The following CBFA2T3 variants were observed in gnomAD, a reference collection of about 807,000 sequenced individuals.
The protein encoded by CBFA2T3 is transcriptional corepressor CBFA2T3.
Under a neutral mutation model 58.6 loss-of-function variants are expected in CBFA2T3, and 31 were observed. That is an observed-to-expected ratio of 0.53 (90% CI 0.40 to 0.71). CBFA2T3 has a LOEUF of 0.71. Among genes scored for constraint, CBFA2T3 ranks in the 30% least tolerant of loss-of-function variants. The pLI is 0.00. For synonymous variants in CBFA2T3, 531 were observed against 421.9 expected, an observed-to-expected ratio of 1.26 and a Z score of -3.17; for missense variants, 1,076 against 963.1, an observed-to-expected ratio of 1.12 and a Z score of -1.55.
In CBFA2T3 at chr16:88,881,296, T is replaced by C. The variant is rs749772901; in HGVS notation, c.1397A>G (p.Gln466Arg). 9 of 1,592,652 alleles carry C rather than the reference T, an allele frequency of 5.7e-6. No homozygotes were observed. The highest frequency in any genetic ancestry group is 3.3e-4 in the Middle Eastern group (2 of 6,026). ...RSSSAGPEGP[Q>R]LDVPREFLPR... is the part of the protein sequence containing the mutation. Reference sequence around the variant, plus strand: ...CCCCCACACCCCACACGCACCTAGCTGAGGCCCTTCGGGACCGGCGGAGCT... The same window carrying C: ...CCCCCACACCCCACACGCACCTAGCCGAGGCCCTTCGGGACCGGCGGAGCT... Residue 466 changes from glutamine (Q) to arginine (R), a missense_variant, in exon 9 of 12, where the codon CAG becomes CGG. By Grantham distance (43) the Gln-to-Arg change is conservative. Transcript: ENST00000268679.
Position 88,881,874 on chromosome 16 carries a change from C to T in CBFA2T3, c.1204-385G>A, listed in dbSNP as rs550445800. Among the ~76,000 whole-genome samples, 10 of 152,332 alleles carry T rather than the reference C, an allele frequency of 6.6e-5. No homozygotes were observed. In the South Asian group the frequency reaches 1.0e-3, roughly 16 times the overall value. On this transcript the variant is annotated intron_variant, in intron 8 of 11. Coordinates refer to ENST00000268679, the MANE Select transcript of CBFA2T3 (RefSeq NM_005187.6). ...GGAGGGGTGCTGGCCCCATGCCTGGCGACCCCTCCTGGGACGTGCTGCAGG... is the reference window on the plus strand; with the variant it reads ...GGAGGGGTGCTGGCCCCATGCCTGGTGACCCCTCCTGGGACGTGCTGCAGG...
intron 1 of CBFA2T3, among the ~76,000 whole-genome samples, chr16:88,921,936 G>T (rs1243116483): frequency 6.6e-6 from 1 of 152,244 alleles, no homozygotes; most frequent in Non-Finnish European, 1.5e-5. Flanking sequence ...TCTCTGCGCG[G>T]CGCATTTTGA....
At chr16:88,884,566 T>C (rs1000521925) in intron 7 of CBFA2T3, 1 of 155,290 alleles carries the variant, frequency 6.4e-6, no homozygotes, top group African/African-American at 2.4e-5. Context: ...CACCTCTCTG[T>C]TATCCACACC....
intron 1 of CBFA2T3, among the ~76,000 whole-genome samples, chr16:88,910,292 C>T (rs1037201662): frequency 1.3e-5 from 2 of 152,222 alleles, no homozygotes; most frequent in African/African-American, 4.8e-5. Context: ...GGCCCTTCAC[C>T]CTGGCTCCCC....
intron 5 of CBFA2T3, among the ~76,000 whole-genome samples, chr16:88,891,018 C>A (rs1028139567): frequency 6.6e-6 from 1 of 152,118 alleles, no homozygotes; most frequent in Non-Finnish European, 1.5e-5. Context: ...TGGGCCGGGC[C>A]GAGAGCCTGC....
intron 1 of CBFA2T3, chr16:88,951,505 A>C: frequency 2.7e-6 from 1 of 367,270 alleles, no homozygotes; most frequent in South Asian, 2.1e-5. Context: ...TTTTAAATTA[A>C]AAAATCAGTT....
intron 1 of CBFA2T3, among the ~76,000 whole-genome samples, chr16:88,926,351 C>A (rs557628680): frequency 6.6e-6 from 1 of 152,220 alleles, no homozygotes; most frequent in African/African-American, 2.4e-5. Context: ...CCACTGAAGG[C>A]CCCCCAAGCG....
intron 1 of CBFA2T3, among the ~76,000 whole-genome samples, chr16:88,954,644 T>C (rs74341010): frequency 5.5e-4 from 9 of 16,352 alleles, no homozygotes; most frequent in East Asian, 1.1e-3. Context: ...GCTCCTGACC[T>C]CAGCCAAGGC....
chr16:88,894,108 C>G (rs1008151055), intron 3 of CBFA2T3, among the ~76,000 whole-genome samples: 1 of 152,164 alleles, frequency 6.6e-6, no homozygotes, highest in Non-Finnish European at 1.5e-5. Context: ...CAGAGCGAGC[C>G]CTCCATTTCC....
chr16:88,964,397 T>C (rs1479946209), intron 1 of CBFA2T3, among the ~76,000 whole-genome samples: 1 of 152,250 alleles, frequency 6.6e-6, no homozygotes, highest in Non-Finnish European at 1.5e-5. Flanking sequence ...TGGCCTCTTT[T>C]GACTTTTAAT....
chr16:88,936,566 G>T (rs1340875716), intron 1 of CBFA2T3, among the ~76,000 whole-genome samples: 1 of 152,196 alleles, frequency 6.6e-6, no homozygotes, highest in Non-Finnish European at 1.5e-5. Flanking sequence ...GAGCTGCCCA[G>T]ACCCGACGGG....
At chr16:88,943,831 G>A (rs1178652099) in intron 1 of CBFA2T3, among the ~76,000 whole-genome samples, 1 of 152,212 alleles carries the variant, frequency 6.6e-6, no homozygotes, top group Non-Finnish European at 1.5e-5. Flanking sequence ...ATTTAAGGAG[G>A]AGACTACCAG....
chr16:88,954,701 T>C (rs371933831), intron 1 of CBFA2T3, among the ~76,000 whole-genome samples: 8 of 15,966 alleles, frequency 5.0e-4, no homozygotes, highest in Admixed American at 4.6e-4. Flanking sequence ...GCTCCTGACC[T>C]CAGCCAAGGC....
chr16:88,974,412 C>T (rs770953989), intron 1 of CBFA2T3, among the ~76,000 whole-genome samples: 18 of 152,110 alleles, frequency 1.2e-4, no homozygotes, highest in South Asian at 2.1e-4. Flanking sequence ...CCCCAGACGG[C>T]GGCGTGTGCT....
chr16:88,943,746 C>T (rs897136214), intron 1 of CBFA2T3, among the ~76,000 whole-genome samples: 3 of 152,234 alleles, frequency 2.0e-5, no homozygotes, highest in Admixed American at 1.3e-4. Context: ...CACCGACTTC[C>T]TGCTGCCTTA....
At chr16:88,920,019 C>G (rs374460955) in intron 1 of CBFA2T3, among the ~76,000 whole-genome samples, 2 of 152,228 alleles carry the variant, frequency 1.3e-5, no homozygotes, top group African/African-American at 4.8e-5. Flanking sequence ...AGCAGCTTCC[C>G]GAGCACTCTG....
intron 1 of CBFA2T3, among the ~76,000 whole-genome samples, chr16:88,947,915 A>G (rs967737608): frequency 9.1e-4 from 138 of 152,238 alleles, no homozygotes; most frequent in African/African-American, 3.2e-3. Context: ...CCCTGTCTCA[A>G]AAATAAAAAT....
Position 88,881,412 on chromosome 16 carries a change from G to A in CBFA2T3, c.1281C>T (p.Asp427=). The change falls in exon 9 of 12, where the codon GAC becomes GAT. Residue 427 remains aspartate, a synonymous_variant. Transcript: ENST00000268679. ...LTVLRRCQEA[D]REELNHWARR... ...GCGCCCAGTGGTTGAGCTCCTCGCG[G>A]TCGGCCTCCTGGCACCTGCGCAGCA... 1 of 1,607,982 alleles carries A rather than the reference G, an allele frequency of 6.2e-7. No individual in the cohort carries two copies. Among genetic ancestry groups the A allele is most frequent in the Non-Finnish European group, 8.5e-7 (1 of 1,178,218 alleles).
chr16:88,944,733 T>C (rs925623692), intron 1 of CBFA2T3, among the ~76,000 whole-genome samples: 30 of 152,272 alleles, frequency 2.0e-4, no homozygotes, highest in African/African-American at 6.5e-4. Flanking sequence ...GTCCCTGCAC[T>C]GTCACCTCCC....
Sources: allele counts gnomAD v4.1 joint callset (sites outside exome capture counted in the v4.1 genomes callset), GRCh38; gene constraint gnomAD v4.1.1; transcripts MANE v1.5; gene names NCBI Gene and HGNC (gene_info 2026-07-23, HGNC 2026-07-21).